The following TMEM132B variants were observed in gnomAD, a reference collection of about 807,000 sequenced individuals.
The protein encoded by TMEM132B is transmembrane protein 132B.
TMEM132B carries 18 observed loss-of-function variants against 90.8 expected under a neutral mutation model. The ratio of observed to expected loss-of-function variants is 0.20; its 90% CI spans 0.14 to 0.29. The LOEUF (loss-of-function observed/expected upper bound fraction) is 0.29, where lower values mean the gene tolerates loss of function less well. Ranked by LOEUF, TMEM132B falls within the 10% of genes least tolerant of loss-of-function variation. The probability of loss-of-function intolerance (pLI) is 1.00; values close to 1 mark genes in which losing one functional copy is unlikely to be tolerated. For missense variants in TMEM132B, 1,096 were observed against 1,326.8 expected, an observed-to-expected ratio of 0.83 and a Z score of 2.70; for synonymous variants, 504 against 523.3, an observed-to-expected ratio of 0.96 and a Z score of 0.50.
chr12:125,619,371 TATTTATTTATTG>T (rs1376869851), intron 5 of TMEM132B, among the ~76,000 whole-genome samples: 24 of 79,548 alleles, frequency 3.0e-4, no homozygotes, highest in African/African-American at 7.1e-4. Context: ...TTTATTTATT[TATTTATTTATTG>T]AGACAGAGTC....
At chr12:125,221,738 C>T (rs537392945) in intron 1 of TMEM132B, among the ~76,000 whole-genome samples, 6 of 152,274 alleles carry the variant, frequency 3.9e-5, no homozygotes, top group East Asian at 3.9e-4. Flanking sequence ...CCTGTAGGAA[C>T]AGGAGACATT....
intron 1 of TMEM132B, among the ~76,000 whole-genome samples, chr12:125,304,637 C>T (rs1358799357): frequency 6.6e-6 from 1 of 152,012 alleles, no homozygotes; most frequent in Non-Finnish European, 1.5e-5. Context: ...ATGTGGATAT[C>T]CAGTTTTCCA....
At chr12:125,522,779 C>G (rs1406016678) in intron 4 of TMEM132B, among the ~76,000 whole-genome samples, 1 of 152,232 alleles carries the variant, frequency 6.6e-6, no homozygotes, top group African/African-American at 2.4e-5. Context: ...GAGAGAGGGC[C>G]TCAGCATCAG....
intron 5 of TMEM132B, among the ~76,000 whole-genome samples, chr12:125,593,320 A>C (rs1356910139): frequency 2.0e-5 from 3 of 152,188 alleles, no homozygotes; most frequent in African/African-American, 7.2e-5. Flanking sequence ...TAATTAGATC[A>C]TTTGTTCATT....
intron 1 of TMEM132B, among the ~76,000 whole-genome samples, chr12:125,195,560 G>C (rs893217134): frequency 2.2e-4 from 34 of 151,888 alleles, no homozygotes; most frequent in East Asian, 1.9e-4. Context: ...CACCATGGCT[G>C]GCTAATTTTT....
rs1462180979 is a variant in TMEM132B, at chr12:125,277,282, C to A, written c.68-72170C>A. The stretch of plus-strand genomic sequence containing the variant: ...GATTACAAGGTCAGGAGTTCAAGAC[C>A]AGCCTGGCCAACATGGTGAAACCCT... On this transcript the variant is annotated intron_variant, in intron 1 of 8. Coordinates refer to ENST00000682704, the MANE Select transcript of TMEM132B (RefSeq NM_001366854.1). The surrounding 1 kb of genome is among the most constrained non-coding windows in gnomAD (Gnocchi z 4.3). Among the ~76,000 whole-genome samples, 2 of 152,004 alleles carry A rather than the reference C, an allele frequency of 1.3e-5. No individual in the cohort carries two copies. Among genetic ancestry groups the A allele is most frequent in the African/African-American group, 4.8e-5 (2 of 41,370 alleles).
rs113763124 is a variant in TMEM132B, at chr12:125,502,165, T to G, written c.1107-17274T>G. ...TGATCCTTGTCCTCTGCCACTGAAA[T>G]CTCAGCTCTCAAATCTCTCCTCTTC... On this transcript the variant is annotated intron_variant, in intron 3 of 8. Transcript: ENST00000682704. Among the ~76,000 whole-genome samples, 277 of 152,322 alleles carry G rather than the reference T, an allele frequency of 1.8e-3. 2 individuals carry two copies. The highest frequency in any genetic ancestry group is 6.5e-3 in the African/African-American group (269 of 41,566).
chr12:125,644,114 G>A lies in TMEM132B; in HGVS notation c.1476G>A (p.Lys492=), dbSNP rs1294004232. Residue 492 remains lysine, a synonymous_variant, in exon 6 of 9, where the codon AAG becomes AAA. Coordinates refer to ENST00000682704, the MANE Select transcript of TMEM132B (RefSeq NM_001366854.1). ...GTGATTCCATTTTTGTGAATGGGAA[G>A]GAAATGAAGAGCAAAGTGGACACGA... ...NNCDSIFVNG[K]EMKSKVDTIV... The A allele has an allele frequency of 1.2e-6, 2 of 1,614,204 alleles. No individual in the cohort carries two copies. Among genetic ancestry groups the A allele is most frequent in the East Asian group, 4.5e-5 (2 of 44,886 alleles).
chr12:125,220,385 C>T (rs187855925), intron 1 of TMEM132B, among the ~76,000 whole-genome samples: 21 of 152,308 alleles, frequency 1.4e-4, no homozygotes, highest in South Asian at 4.2e-4. Context: ...ACAAAGTCTA[C>T]GGGATTTTGT....
chr12:125,480,535 T>C (rs1173203460), intron 3 of TMEM132B, among the ~76,000 whole-genome samples: 1 of 152,164 alleles, frequency 6.6e-6, no homozygotes, highest in African/African-American at 2.4e-5. Context: ...CCGGGCCACA[T>C]ACACCCTCCC....
At chr12:125,233,635 G>A (rs1236748396) in intron 1 of TMEM132B, among the ~76,000 whole-genome samples, 1 of 152,228 alleles carries the variant, frequency 6.6e-6, no homozygotes, top group Non-Finnish European at 1.5e-5. Context: ...AACAAGAAAG[G>A]GGTGGAAGGA....
intron 1 of TMEM132B, among the ~76,000 whole-genome samples, chr12:125,204,850 T>G (rs867766197): frequency 1.4e-4 from 18 of 125,210 alleles, no homozygotes; most frequent in African/African-American, 1.9e-4. Context: ...TACCAGGCAC[T>G]GTGCTTAGCT....
chr12:125,281,391 G>C (rs1478968116), intron 1 of TMEM132B, among the ~76,000 whole-genome samples: 1 of 152,180 alleles, frequency 6.6e-6, no homozygotes, highest in Non-Finnish European at 1.5e-5. Flanking sequence ...AGACATGGGT[G>C]GTGGCGGGAG....
chr12:125,453,430 G>T (rs979266761), intron 3 of TMEM132B, among the ~76,000 whole-genome samples: 25 of 152,180 alleles, frequency 1.6e-4, no homozygotes, highest in African/African-American at 6.0e-4. Context: ...TACTTTTGTC[G>T]ACCTCAAAGC....
At chr12:125,549,187 A>G (rs1268687375) in intron 4 of TMEM132B, among the ~76,000 whole-genome samples, 1 of 152,188 alleles carries the variant, frequency 6.6e-6, no homozygotes, top group Non-Finnish European at 1.5e-5. Context: ...CATTGTGGAG[A>G]TAAATTATGC....
At chr12:125,633,062 G>A (rs2137000273) in intron 5 of TMEM132B, among the ~76,000 whole-genome samples, 1 of 152,054 alleles carries the variant, frequency 6.6e-6, no homozygotes, top group African/African-American at 2.4e-5. Context: ...TTGTAGGTGT[G>A]CTACAAGAAA....
At chr12:125,432,528 T>TATATATATAGAGAGAGAGAGAG (rs1458075923) in intron 3 of TMEM132B, among the ~76,000 whole-genome samples, 1 of 39,124 alleles carries the variant, frequency 2.6e-5, no homozygotes, top group African/African-American at 1.2e-4. Context: ...TATATATATA[T>TATATATATAGAGAGAGAGAGAG]AGAGAGAGAG....
chr12:125,278,761 C>T (rs10773153), intron 1 of TMEM132B, among the ~76,000 whole-genome samples: 44,000 of 151,908 alleles, frequency 0.29, 7,086 homozygotes, highest in East Asian at 0.49. Context: ...GAAGGCTCTG[C>T]AAGAAAAAAC....
chr12:125,559,471 A>G (rs1261571210), intron 4 of TMEM132B, among the ~76,000 whole-genome samples: 4 of 152,320 alleles, frequency 2.6e-5, no homozygotes, highest in East Asian at 3.9e-4. Flanking sequence ...TAAGAAAAAT[A>G]TCCCAGGAGA....
Sources: gnomAD v4.1 joint callset for allele counts (sites outside exome capture counted in the v4.1 genomes callset) on GRCh38, gnomAD v4.1.1 for gene constraint, Gnocchi (gnomAD v3.1) non-coding constraint, MANE v1.5 for transcripts, NCBI Gene and HGNC (gene_info 2026-07-23, HGNC 2026-07-21) for gene names.